Variants in TNKS observed in about 807,000 individuals in gnomAD.
TNKS encodes tankyrase, also known as poly [ADP-ribose] polymerase tankyrase-1.
Under a neutral mutation model 135.8 loss-of-function variants are expected in TNKS, and 72 were observed. The ratio of observed to expected loss-of-function variants is 0.53; its 90% CI spans 0.44 to 0.64. TNKS has a LOEUF of 0.64. Among genes scored for constraint, TNKS ranks in the 30% least tolerant of loss-of-function variants. The pLI, the probability that TNKS is intolerant of heterozygous loss-of-function variation, is 0.00. For missense variants in TNKS, 1,769 were observed against 1,674.0 expected (o/e 1.06, Z -0.99); for synonymous variants, 849 against 649.3 (o/e 1.31, Z -4.68).
chr8:9,752,403 A>T, intron 19 of TNKS, 141 bp from the exon 20 acceptor site: 1 of 565,542 alleles, frequency 1.8e-6, no homozygotes, highest in Non-Finnish European at 3.1e-6. Flanking sequence ...TCTAAATTAA[A>T]TCTGTGTATT....
chr8:9,575,149 C>T lies in TNKS; in HGVS notation c.674-5010C>T, dbSNP rs571406415. 1.7e-5 allele frequency: 14 copies of T among 843,098 alleles called. No individual in the cohort carries two copies. In the East Asian group the frequency reaches 6.1e-4, roughly 37 times the overall value. 52.2% of individuals were successfully genotyped at this position (843,098 alleles called of 1,614,324 possible). ...TTGCCCAGGCTGGAGTATAGGGGCGCGATCTCGGCTCATTGCAAGCTCCGC... is the reference window on the plus strand; with the variant it reads ...TTGCCCAGGCTGGAGTATAGGGGCGTGATCTCGGCTCATTGCAAGCTCCGC... On this transcript the variant is annotated intron_variant, in intron 1 of 26. Coordinates refer to ENST00000310430, the MANE Select transcript of TNKS (RefSeq NM_003747.3).
chr8:9,764,910 C>G, intron 23 of TNKS, 120 bp downstream of exon 23: 3 of 685,938 alleles, frequency 4.4e-6, no homozygotes, highest in Non-Finnish European at 2.3e-6. Context: ...AATTCGTCAC[C>G]TGTCTGAAGT....
intron 3 of TNKS, among the ~76,000 whole-genome samples, chr8:9,676,686 C>CTGTGTGTGTGTGTG (rs147459978): frequency 2.6e-4 from 39 of 147,780 alleles, no homozygotes; most frequent in African/African-American, 3.3e-4. Flanking sequence ...CTCTCTCTCT[C>CTGTGTGTGTGTGTG]TGTGTGTGTG....
rs570340024 is a variant in TNKS, at chr8:9,718,387, T to C, written c.1750-1987T>C. Among the ~76,000 whole-genome samples, 67 of 152,270 alleles carry C rather than the reference T, an allele frequency of 4.4e-4. 1 individual carries two copies. In the South Asian group the frequency reaches 0.014, roughly 31 times the overall value. On this transcript the variant is annotated intron_variant, in intron 11 of 26. Transcript: ENST00000310430. ...TGAGTGATGTAGACAATGATAGCTT[T>C]AAGTTTAGGAGAAGTGGCCTCAGGA...
intron 1 of TNKS, among the ~76,000 whole-genome samples, chr8:9,570,486 C>G (rs1413021326): frequency 6.6e-6 from 1 of 152,196 alleles, no homozygotes; most frequent in Non-Finnish European, 1.5e-5. Context: ...AGAATTACCA[C>G]ATGGCCCAGT....
chr8:9,765,257 A>G (rs1178052784), intron 23 of TNKS, among the ~76,000 whole-genome samples: 1 of 152,210 alleles, frequency 6.6e-6, no homozygotes, highest in Non-Finnish European at 1.5e-5. Context: ...TATCATAAAG[A>G]TGAATAAAAC....
rs540134645 is a variant in TNKS, at chr8:9,688,419, A to C, written c.1107+7619A>C. Among the ~76,000 whole-genome samples, 4 of 152,336 alleles carry C rather than the reference A, an allele frequency of 2.6e-5. No homozygotes were observed. In the East Asian group the frequency reaches 7.7e-4, roughly 29 times the overall value. Reference sequence around the variant, plus strand: ...TCTGTAACTTTGAATTGACATTATTAAAACAATTGTTTGGCCACAATATAA... The same window carrying C: ...TCTGTAACTTTGAATTGACATTATTCAAACAATTGTTTGGCCACAATATAA... On this transcript the variant is annotated intron_variant, in intron 5 of 26. Transcript: ENST00000310430.
chr8:9,726,798 T>C (rs891744379), intron 13 of TNKS, 78 bp downstream of exon 13: 26 of 1,127,320 alleles, frequency 2.3e-5, no homozygotes, highest in Middle Eastern at 4.0e-4. Flanking sequence ...TCTAAGTATA[T>C]CTACTCAAAT....
chr8:9,635,649 A>G (rs1800481264), intron 3 of TNKS, among the ~76,000 whole-genome samples: 1 of 151,802 alleles, frequency 6.6e-6, no homozygotes, highest in Admixed American at 6.5e-5. Context: ...ACTAATGAGA[A>G]TGAATTAAGC....
Position 9,629,903 on chromosome 8 carries a change from C to G in TNKS, c.994+14226C>G, listed in dbSNP as rs1458340821. On this transcript the variant is annotated intron_variant, in intron 3 of 26. Transcript: ENST00000310430. Reference sequence around the variant, plus strand: ...TTCACCGTGTTAGCCAGGATGGTCTCGATCTCCTGACCTTGTGATCCGCCC... The same window carrying G: ...TTCACCGTGTTAGCCAGGATGGTCTGGATCTCCTGACCTTGTGATCCGCCC... Among the ~76,000 whole-genome samples the G allele has an allele frequency of 2.6e-5, 4 of 152,254 alleles. No homozygotes were observed. The South Asian group carries it at 8.3e-4, about 32-fold the overall frequency.
rs532735051 is a variant in TNKS, at chr8:9,619,128, C to T, written c.994+3451C>T. 6.6e-5 allele frequency among the ~76,000 whole-genome samples: 10 copies of T among 152,268 alleles called. No homozygotes were observed. In the South Asian group the frequency reaches 1.7e-3, roughly 25 times the overall value. ...GGAAGTGTGCTTCATCACATTCAGT[C>T]TTAGCATCCATGGACATGGTAGATA... On this transcript the variant is annotated intron_variant, in intron 3 of 26. Transcript: ENST00000310430.
In TNKS at chr8:9,677,581, G is replaced by C. The variant is rs375569181; in HGVS notation, c.995-2370G>C. 2.0e-5 allele frequency among the ~76,000 whole-genome samples: 3 copies of C among 152,006 alleles called. No homozygotes were observed. In the East Asian group the frequency reaches 5.8e-4, roughly 29 times the overall value. On this transcript the variant is annotated intron_variant, in intron 3 of 26. Coordinates refer to ENST00000310430, the MANE Select transcript of TNKS (RefSeq NM_003747.3). ...TTATACTTTAAAATGTAGACTGTCAGAATTTACTTTTTTTTTTGCCCACCT... is the reference window on the plus strand; with the variant it reads ...TTATACTTTAAAATGTAGACTGTCACAATTTACTTTTTTTTTTGCCCACCT...
At chr8:9,578,508 C>T (rs1353682103) in intron 1 of TNKS, among the ~76,000 whole-genome samples, 1 of 152,188 alleles carries the variant, frequency 6.6e-6, no homozygotes, top group Non-Finnish European at 1.5e-5. Context: ...TCTACGGAAA[C>T]CTCATTCTGA....
intron 15 of TNKS, among the ~76,000 whole-genome samples, chr8:9,734,464 G>A (rs1325170689): frequency 1.0e-5 from 1 of 97,440 alleles, no homozygotes; most frequent in Non-Finnish European, 2.5e-5. Flanking sequence ...TTACCAGTGT[G>A]TCTTACTCTA....
intron 6 of TNKS, among the ~76,000 whole-genome samples, chr8:9,705,774 C>G (rs533618460): frequency 3.9e-5 from 6 of 152,220 alleles, no homozygotes; most frequent in Non-Finnish European, 5.9e-5. Flanking sequence ...ATTTAGAATA[C>G]TTTGATATGC....
chr8:9,565,577 C>G (rs1203698311), intron 1 of TNKS, among the ~76,000 whole-genome samples: 2 of 152,104 alleles, frequency 1.3e-5, no homozygotes, highest in East Asian at 1.9e-4. Context: ...ATAAACTAAA[C>G]CAGCCAGGCG....
chr8:9,628,896 C>G (rs370129968), intron 3 of TNKS, among the ~76,000 whole-genome samples: 1 of 152,206 alleles, frequency 6.6e-6, no homozygotes, highest in Admixed American at 6.5e-5. Flanking sequence ...TTCTTTCCCT[C>G]TCGGGAAATA....
In TNKS at chr8:9,764,803, A is replaced by C. The variant is rs35968553; in HGVS notation, c.3447+13A>C. On this transcript the variant is annotated intron_variant, in intron 23 of 26. Transcript: ENST00000310430. ...CAATGTCATTCGAGTAAGTTTTTAA[A>C]GTTTCATGGTGAAAACTGGATTGCA... 6.9e-4 allele frequency: 1,092 copies of C among 1,576,552 alleles called. No individual in the cohort carries two copies. Among genetic ancestry groups the C allele is most frequent in the Non-Finnish European group, 8.9e-4 (1,040 of 1,164,022 alleles).
chr8:9,726,532 C>T (rs1391622493), intron 12 of TNKS, 109 bp from the exon 13 acceptor site: 2 of 712,278 alleles, frequency 2.8e-6, no homozygotes, highest in Non-Finnish European at 4.5e-6. Flanking sequence ...AATTTTTCCT[C>T]CTGAACTACT....
Sources: gnomAD v4.1 joint callset for allele counts (sites outside exome capture counted in the v4.1 genomes callset) on GRCh38, gnomAD v4.1.1 for gene constraint, MANE v1.5 for transcripts, NCBI Gene and HGNC (gene_info 2026-07-23, HGNC 2026-07-21) for gene names.